ZBTB20: variants seen among roughly 807,000 people sequenced by gnomAD.
ZBTB20 encodes zinc finger and BTB domain containing 20, also known as zinc finger and BTB domain-containing protein 20.
In ZBTB20, 9 loss-of-function variants were observed where a neutral mutation model predicts 56.9. That is an observed-to-expected ratio of 0.16 (90% CI 0.10 to 0.28). The LOEUF (loss-of-function observed/expected upper bound fraction) is 0.28. Among genes scored for constraint, ZBTB20 ranks in the 10% least tolerant of loss-of-function variants. The pLI, the probability that ZBTB20 is intolerant of heterozygous loss-of-function variation, is 1.00. For missense variants in ZBTB20, 655 were observed against 1,003.0 expected (o/e 0.65, Z 4.69); for synonymous variants, 417 against 420.7 (o/e 0.99, Z 0.11).
intron 4 of ZBTB20, among the ~76,000 whole-genome samples, chr3:114,832,703 CA>C (rs1379642058): frequency 6.6e-6 from 1 of 152,020 alleles, no homozygotes; most frequent in African/African-American, 2.4e-5. Flanking sequence ...TTTAAATGCA[CA>C]AAAAGCTATG....
rs182806841 is a variant in ZBTB20 at position 114,947,575 on chromosome 3, T to C, written c.-456+26791A>G. ...AGAAACAGAGACAAATGTCCTATGT[T>C]CTCACTTATAAGTGGGAGCTACCTA... On this transcript the variant is annotated intron_variant, in intron 3 of 11. Coordinates refer to ENST00000675478, the MANE Select transcript of ZBTB20 (RefSeq NM_001348800.3). Among the ~76,000 whole-genome samples the C allele has an allele frequency of 2.3e-3, 329 of 145,962 alleles. 10 individuals carry two copies. The highest frequency in any genetic ancestry group is 3.4e-3 in the Non-Finnish European group (229 of 67,788).
chr3:115,094,218 A>T (rs567527775), intron 1 of ZBTB20, among the ~76,000 whole-genome samples: 2 of 152,250 alleles, frequency 1.3e-5, no homozygotes, highest in Non-Finnish European at 2.9e-5. Context: ...CTAAGGTAAT[A>T]GGTACAAGTA....
intron 3 of ZBTB20, among the ~76,000 whole-genome samples, chr3:114,921,410 A>ATTG (rs2075953480): frequency 6.6e-5 from 10 of 152,268 alleles, no homozygotes; most frequent in African/African-American, 2.4e-4. Context: ...GGTGTGAGCC[A>ATTG]CCGTGCCTGG....
At chr3:114,872,935 A>G (rs1162119156) in intron 4 of ZBTB20, among the ~76,000 whole-genome samples, 1 of 152,152 alleles carries the variant, frequency 6.6e-6, no homozygotes, top group Non-Finnish European at 1.5e-5. Context: ...ATATGGTAAT[A>G]ATGGATACAT....
chr3:114,677,480 A>G (rs2061695552), intron 6 of ZBTB20, among the ~76,000 whole-genome samples: 2 of 152,138 alleles, frequency 1.3e-5, no homozygotes, highest in African/African-American at 4.8e-5. Context: ...TGAACTGTGT[A>G]TGCGAGGGAT....
chr3:114,902,364 A>G (rs2075154183), intron 3 of ZBTB20, among the ~76,000 whole-genome samples: 3 of 152,210 alleles, frequency 2.0e-5, no homozygotes, highest in Non-Finnish European at 4.4e-5. Context: ...GTGCTAACAG[A>G]TAAATTAGGA....
intron 6 of ZBTB20, chr3:114,528,976 C>G (rs1418786657): frequency 6.6e-6 from 1 of 152,202 alleles, no homozygotes; most frequent in Non-Finnish European, 1.5e-5. Flanking sequence ...CCCCCTTTCC[C>G]TATTCTGCAC....
intron 5 of ZBTB20, among the ~76,000 whole-genome samples, chr3:114,715,811 C>A (rs1433902608): frequency 6.6e-6 from 1 of 152,124 alleles, no homozygotes; most frequent in Admixed American, 6.6e-5. Context: ...CTATAACATC[C>A]TTTATCCAAG....
chr3:115,018,258 A>G (rs2080058346), intron 2 of ZBTB20, among the ~76,000 whole-genome samples: 1 of 151,338 alleles, frequency 6.6e-6, no homozygotes, highest in Non-Finnish European at 1.5e-5. Flanking sequence ...GCTTTGCCAT[A>G]GTATCATTGC....
intron 6 of ZBTB20, among the ~76,000 whole-genome samples, chr3:114,535,761 G>A (rs961515015): frequency 1.3e-5 from 2 of 152,064 alleles, no homozygotes; most frequent in East Asian, 1.9e-4. Context: ...CTGGCAAACC[G>A]AATCCAGCAG....
intron 2 of ZBTB20, among the ~76,000 whole-genome samples, chr3:115,017,828 T>C (rs893239923): frequency 7.9e-5 from 12 of 151,506 alleles, no homozygotes; most frequent in Non-Finnish European, 1.3e-4. Flanking sequence ...TACAGTCTAA[T>C]TGAGGTAGAA....
At chr3:115,061,288 G>A (rs1327348704) in intron 2 of ZBTB20, among the ~76,000 whole-genome samples, 1 of 152,092 alleles carries the variant, frequency 6.6e-6, no homozygotes, top group Non-Finnish European at 1.5e-5. Flanking sequence ...TTCCTCACCT[G>A]CAAAATGCAA....
intron 5 of ZBTB20, among the ~76,000 whole-genome samples, chr3:114,720,630 A>G (rs2064851431): frequency 6.6e-6 from 1 of 152,196 alleles, no homozygotes; most frequent in Non-Finnish European, 1.5e-5. Context: ...TTAGAAAATC[A>G]GTAGAAATAA....
chr3:114,609,639 C>T (rs1454975526), intron 6 of ZBTB20, among the ~76,000 whole-genome samples: 1 of 152,150 alleles, frequency 6.6e-6, no homozygotes, highest in Non-Finnish European at 1.5e-5. Context: ...AAAATAAGCA[C>T]TTGGTTTAGT....
intron 6 of ZBTB20, among the ~76,000 whole-genome samples, chr3:114,551,020 G>C (rs530374706): frequency 6.6e-6 from 1 of 152,262 alleles, no homozygotes; most frequent in East Asian, 1.9e-4. Context: ...CAAAGTGCTG[G>C]AATTATACAC....
chr3:115,052,223 T>C (rs1337626468), intron 2 of ZBTB20, among the ~76,000 whole-genome samples: 1 of 151,728 alleles, frequency 6.6e-6, no homozygotes, highest in Non-Finnish European at 1.5e-5. Flanking sequence ...CTTTAGGAGG[T>C]GGAGGCGGGC....
Position 114,381,905 on chromosome 3 carries a change from T to C in ZBTB20, c.-153-965A>G, listed in dbSNP as rs371838500. Among the ~76,000 whole-genome samples, 11 of 152,286 alleles carry C rather than the reference T, an allele frequency of 7.2e-5. No homozygotes were observed. The East Asian group carries it at 1.7e-3, about 24-fold the overall frequency. On this transcript the variant is annotated intron_variant, in intron 8 of 11. Coordinates refer to ENST00000675478, the MANE Select transcript of ZBTB20 (RefSeq NM_001348800.3). ...AAGCCAATACAAGAGAAGCAACAAA[T>C]TATAAGACCTTATCAATTGATTTTT...
At chr3:114,709,643 C>T (rs965072197) in intron 5 of ZBTB20, among the ~76,000 whole-genome samples, 6 of 152,096 alleles carry the variant, frequency 3.9e-5, no homozygotes, top group Non-Finnish European at 7.4e-5. Context: ...AGTGCTAGGG[C>T]CTTTCCATAA....
intron 1 of ZBTB20, among the ~76,000 whole-genome samples, chr3:115,103,536 G>T (rs933055552): frequency 6.6e-6 from 1 of 152,158 alleles, no homozygotes; most frequent in African/African-American, 2.4e-5. Context: ...GACAGCCCAG[G>T]AGAAGGCCCA....
Sources: gnomAD v4.1 joint callset for allele counts (sites outside exome capture counted in the v4.1 genomes callset) on GRCh38, gnomAD v4.1.1 for gene constraint, MANE v1.5 for transcripts, NCBI Gene and HGNC (gene_info 2026-07-23, HGNC 2026-07-21) for gene names.